The following PLCG2 variants were observed in gnomAD, a reference collection of about 807,000 sequenced individuals.
PLCG2 encodes the protein phospholipase C gamma 2.
PLCG2 carries 69 observed loss-of-function variants against 175.6 expected under a neutral mutation model. The observed-to-expected ratio is 0.39, with a 90% CI of 0.32 to 0.48. The LOEUF is 0.48. Ranked by LOEUF, PLCG2 falls within the 20% of genes least tolerant of loss-of-function variation. PLCG2 has a pLI of 0.91. For synonymous variants in PLCG2, 827 were observed against 624.0 expected (o/e 1.33, Z -4.85); for missense variants, 1,798 against 1,650.9 (o/e 1.09, Z -1.54).
In PLCG2 at chr16:81,922,820, G is replaced by A. The variant is rs564672850; in HGVS notation, c.2308-665G>A. On this transcript the variant is annotated intron_variant, in intron 21 of 32. Transcript: ENST00000564138. ...GTGGGTGTTCATTTATGCCCGCCAGGCAGAAAGCATGAAAGCAAATTCATT... is the reference window on the plus strand; with the variant it reads ...GTGGGTGTTCATTTATGCCCGCCAGACAGAAAGCATGAAAGCAAATTCATT... Among the ~76,000 whole-genome samples the A allele has an allele frequency of 5.7e-4, 87 of 152,322 alleles. 1 individual carries two copies. The Middle Eastern group carries it at 0.02, about 36-fold the overall frequency.
At chr16:81,802,093 CTTTTTTTTTTTTTTTTTTTTTTT>C (rs1157731599) in intron 2 of PLCG2, among the ~76,000 whole-genome samples, 16 of 40,012 alleles carry the variant, frequency 4.0e-4, no homozygotes, top group East Asian at 1.3e-3. Flanking sequence ...TGAGTACAGT[CTTTTTTTTTTTTTTTTTTTTTTT>C]TTTTTTTTTT....
At chr16:81,955,757 G>C (rs182463887) in intron 31 of PLCG2, among the ~76,000 whole-genome samples, 1 of 152,198 alleles carries the variant, frequency 6.6e-6, no homozygotes, top group Admixed American at 6.5e-5. Context: ...CCACGGATGC[G>C]TCTAGTTGGC....
chr16:81,877,678 G>A lies in PLCG2; in HGVS notation c.649-3232G>A, dbSNP rs116941826. Among the ~76,000 whole-genome samples the A allele has an allele frequency of 2.1e-3, 322 of 152,316 alleles. 2 individuals carry two copies. Among genetic ancestry groups the A allele is most frequent in the East Asian group, 0.015 (80 of 5,180 alleles). The stretch of plus-strand genomic sequence containing the variant: ...GGTGGCTGCCAGCAGTCCTACAAGT[G>A]TTCCTCGGTGTGTAGATGGCATTGC... On this transcript the variant is annotated intron_variant, in intron 7 of 32. Coordinates refer to ENST00000564138, the MANE Select transcript of PLCG2 (RefSeq NM_002661.5).
intron 2 of PLCG2, among the ~76,000 whole-genome samples, chr16:81,808,271 G>T (rs1159158367): frequency 6.6e-6 from 1 of 152,128 alleles, no homozygotes; most frequent in Non-Finnish European, 1.5e-5. Context: ...TTTTGCATTT[G>T]CCAAGGCCTG....
intron 27 of PLCG2, 62 bp downstream of exon 27, chr16:81,936,440 G>C: frequency 7.4e-7 from 1 of 1,357,464 alleles, no homozygotes; most frequent in Non-Finnish European, 1.1e-6. Flanking sequence ...ACTCCAGGCC[G>C]AGTCACCTTG....
intron 11 of PLCG2, 35 bp downstream of exon 11, chr16:81,891,625 G>T: frequency 8.3e-7 from 1 of 1,209,132 alleles, no homozygotes; most frequent in Non-Finnish European, 1.2e-6. Flanking sequence ...GGGTTGGGCA[G>T]CACAGAGCAC....
At chr16:81,928,445 A>G in intron 23 of PLCG2, 113 bp from the exon 24 acceptor site, 1 of 726,944 alleles carries the variant, frequency 1.4e-6, no homozygotes, top group South Asian at 1.5e-5. Flanking sequence ...ATGAAAATGC[A>G]TTTTAAACAG....
At chr16:81,883,998 C>G (rs544930004) in intron 9 of PLCG2, among the ~76,000 whole-genome samples, 34 of 152,338 alleles carry the variant, frequency 2.2e-4, no homozygotes, top group African/African-American at 7.7e-4. Flanking sequence ...CAGGTCAACA[C>G]CAGGGATGTT....
At chr16:81,851,057 G>T (rs12934301) in intron 2 of PLCG2, among the ~76,000 whole-genome samples, 19,460 of 152,152 alleles carry the variant, frequency 0.13, 1,408 homozygotes, top group Middle Eastern at 0.19. Context: ...TGTGACGGGG[G>T]ATGAGTCCTT....
chr16:81,884,374 CCCA>C lies in PLCG2; in HGVS notation c.765+1036_765+1038del, dbSNP rs1048398168. On this transcript the variant is annotated intron_variant, in intron 9 of 32. Coordinates refer to ENST00000564138, the MANE Select transcript of PLCG2 (RefSeq NM_002661.5). ...TCAGAAAACAAAAAACAAAAACACCCCCACCCCACCAAAAAAAAAAAAGTCAAA... is the reference window on the plus strand; with the variant it reads ...TCAGAAAACAAAAAACAAAAACACCCCCCCACCAAAAAAAAAAAAGTCAAA... 1.9e-3 allele frequency among the ~76,000 whole-genome samples: 291 copies of C among 151,956 alleles called. 2 individuals are homozygous for C. The highest frequency in any genetic ancestry group is 0.018 in the Admixed American group (273 of 15,218).
In PLCG2 at chr16:81,860,931, C is replaced by A. The variant is rs532001679; in HGVS notation, c.479+1768C>A. On this transcript the variant is annotated intron_variant, in intron 5 of 32. Transcript: ENST00000564138. ...GGTGGAGGTTGCAGTGAGCCGAGAT[C>A]GCGCCACTCTACTGTGGCCTGGGTG... Among the ~76,000 whole-genome samples, 6 of 152,156 alleles carry A rather than the reference C, an allele frequency of 3.9e-5. No individual in the cohort carries two copies. The East Asian group carries it at 9.7e-4, about 24-fold the overall frequency.
At chr16:81,781,379 G>A (rs1910723336) in intron 1 of PLCG2, among the ~76,000 whole-genome samples, 1 of 124,524 alleles carries the variant, frequency 8.0e-6, no homozygotes, top group African/African-American at 2.8e-5. Context: ...TATTTATCCA[G>A]GAGGCCCCCC....
chr16:81,908,343 C>A, intron 16 of PLCG2, 73 bp from the exon 17 acceptor site: 3 of 1,391,358 alleles, frequency 2.2e-6, no homozygotes, highest in Non-Finnish European at 2.0e-6. Context: ...CAGGGTGAGA[C>A]AGAAGGACCT....
chr16:81,857,918 A>G (rs542203657), intron 3 of PLCG2: 18 of 233,564 alleles, frequency 7.7e-5, no homozygotes, highest in African/African-American at 3.7e-4. Context: ...CACTTAGAAC[A>G]ATGTCTAGTA....
chr16:81,844,084 C>G (rs1470397897), intron 2 of PLCG2, among the ~76,000 whole-genome samples: 1 of 144,882 alleles, frequency 6.9e-6, no homozygotes, highest in Non-Finnish European at 1.5e-5. Flanking sequence ...TTATGCCATT[C>G]TCCTGCCTCA....
intron 1 of PLCG2, among the ~76,000 whole-genome samples, chr16:81,743,625 G>T (rs1411293882): frequency 1.3e-5 from 2 of 152,170 alleles, no homozygotes; most frequent in Non-Finnish European, 2.9e-5. Context: ...TATTGGAACT[G>T]GTGGGTTAGG....
At chr16:81,845,039 C>G (rs931940182) in intron 2 of PLCG2, among the ~76,000 whole-genome samples, 1 of 152,236 alleles carries the variant, frequency 6.6e-6, no homozygotes. Flanking sequence ...AGCAATTCTC[C>G]TCCCTCAACT....
chr16:81,927,530 T>A (rs1910326382), intron 23 of PLCG2, among the ~76,000 whole-genome samples: 2 of 152,192 alleles, frequency 1.3e-5, no homozygotes, highest in African/African-American at 4.8e-5. Flanking sequence ...ATTGAGAACG[T>A]GCTTGGGGCG....
At chr16:81,802,018 G>C (rs553169902) in intron 2 of PLCG2, among the ~76,000 whole-genome samples, 1 of 148,836 alleles carries the variant, frequency 6.7e-6, no homozygotes, top group Non-Finnish European at 1.5e-5. Flanking sequence ...AAAATCTGTG[G>C]CTGTGCAGAG....
Sources: allele counts gnomAD v4.1 joint callset (sites outside exome capture counted in the v4.1 genomes callset), GRCh38; gene constraint gnomAD v4.1.1; transcripts MANE v1.5; gene names NCBI Gene and HGNC (gene_info 2026-07-23, HGNC 2026-07-21).